The following TENM4 variants were observed in gnomAD, a reference collection of about 807,000 sequenced individuals.
The protein encoded by TENM4 is teneurin-4.
TENM4 carries 82 observed loss-of-function variants against 243.3 expected under a neutral mutation model. The ratio of observed to expected loss-of-function variants is 0.34; its 90% CI spans 0.28 to 0.40. The LOEUF is 0.40. Among genes scored for constraint, TENM4 ranks in the 10% least tolerant of loss-of-function variants. The probability of loss-of-function intolerance (pLI) is 1.00; values close to 1 mark genes in which losing one functional copy is unlikely to be tolerated. For synonymous variants in TENM4, 1,412 were observed against 1,456.3 expected, an observed-to-expected ratio of 0.97 and a Z score of 0.69; for missense variants, 3,138 against 3,673.3, an observed-to-expected ratio of 0.85 and a Z score of 3.77.
At chr11:78,851,318 A>C (rs1396059617) in intron 12 of TENM4, among the ~76,000 whole-genome samples, 1 of 152,200 alleles carries the variant, frequency 6.6e-6, no homozygotes, top group Non-Finnish European at 1.5e-5. Context: ...GAGGAAGTGA[A>C]GACAGGTGTC....
At chr11:79,179,708 T>C (rs994459890) in intron 3 of TENM4, among the ~76,000 whole-genome samples, 1 of 151,828 alleles carries the variant, frequency 6.6e-6, no homozygotes, top group Non-Finnish European at 1.5e-5. Context: ...TAAGGACAGA[T>C]GATAAAAAGT....
At chr11:78,961,755 T>C (rs1404417312) in intron 6 of TENM4, among the ~76,000 whole-genome samples, 1 of 151,666 alleles carries the variant, frequency 6.6e-6, no homozygotes, top group Non-Finnish European at 1.5e-5. Context: ...ACAGAGTAGG[T>C]AGTTGGTTGG....
intron 6 of TENM4, among the ~76,000 whole-genome samples, chr11:78,964,557 C>A (rs1857400767): frequency 6.6e-6 from 1 of 152,202 alleles, no homozygotes. Context: ...ATTCACCGTA[C>A]AATCTTTTAA....
intron 1 of TENM4, among the ~76,000 whole-genome samples, chr11:79,359,312 G>A (rs970458081): frequency 3.3e-5 from 5 of 152,060 alleles, no homozygotes; most frequent in African/African-American, 7.2e-5. Context: ...AACTCTACAG[G>A]ATAATATGAA....
At chr11:78,945,906 C>T (rs928131311) in intron 6 of TENM4, among the ~76,000 whole-genome samples, 2 of 152,110 alleles carry the variant, frequency 1.3e-5, no homozygotes, top group Non-Finnish European at 2.9e-5. Flanking sequence ...AGGAAGCTGT[C>T]TAAGAAAAGT....
intron 1 of TENM4, among the ~76,000 whole-genome samples, chr11:79,372,217 G>T (rs1217809362): frequency 1.3e-5 from 2 of 151,986 alleles, no homozygotes; most frequent in Non-Finnish European, 1.5e-5. Flanking sequence ...AGTCTCAAAG[G>T]GTCAATCCAA....
chr11:79,365,058 T>C (rs906286690), intron 1 of TENM4, among the ~76,000 whole-genome samples: 1 of 152,206 alleles, frequency 6.6e-6, no homozygotes, highest in Non-Finnish European at 1.5e-5. Flanking sequence ...CGAGGATAAA[T>C]ATGTGATTGC....
chr11:79,410,201 T>C (rs1858668845), intron 1 of TENM4, among the ~76,000 whole-genome samples: 1 of 152,184 alleles, frequency 6.6e-6, no homozygotes, highest in Admixed American at 6.5e-5. Context: ...ACTTCCTTAC[T>C]TTCTCAGCAG....
intron 4 of TENM4, among the ~76,000 whole-genome samples, chr11:79,120,737 T>C (rs1249845962): frequency 2.0e-5 from 3 of 152,218 alleles, no homozygotes; most frequent in Admixed American, 6.5e-5. Context: ...TCTAGGCAGA[T>C]AAAAGTGCAG....
chr11:78,764,561 G>A (rs530405863), intron 18 of TENM4, among the ~76,000 whole-genome samples: 1 of 152,372 alleles, frequency 6.6e-6, no homozygotes, highest in African/African-American at 2.4e-5. Context: ...AAATTAGACA[G>A]CTCCATCAGC....
At chr11:78,757,853 A>G (rs1856345334) in intron 18 of TENM4, among the ~76,000 whole-genome samples, 1 of 152,092 alleles carries the variant, frequency 6.6e-6, no homozygotes, top group South Asian at 2.1e-4. Flanking sequence ...AGTTTGCTGG[A>G]TGGTTTCAGA....
Position 78,688,215 on chromosome 11 carries a change from A to G in TENM4, c.5099T>C (p.Phe1700Ser), listed in dbSNP as rs1858733751. The G allele has an allele frequency of 6.2e-7, 1 of 1,613,146 alleles. No homozygotes were observed. The highest frequency in any genetic ancestry group is 1.3e-5 in the African/African-American group (1 of 74,902). The change falls in exon 29 of 34, where the codon TTT becomes TCT. Residue 1700 changes from phenylalanine (F) to serine (S), a missense_variant. Coordinates refer to ENST00000278550, the MANE Select transcript of TENM4 (RefSeq NM_001098816.3). ...GAAGGTCACATTTGTCAGGCGGCCA[A>G]AGCTGTCGTACCTGGAAACCAAGGG... The part of the protein sequence containing the change: ...GWTTFYEYDS[F>S]GRLTNVTFPT...
intron 4 of TENM4, among the ~76,000 whole-genome samples, chr11:79,120,125 T>C (rs1335775576): frequency 1.3e-5 from 2 of 152,156 alleles, no homozygotes; most frequent in East Asian, 1.9e-4. Flanking sequence ...GAAGAAGGCA[T>C]GGGAGTAGAA....
chr11:79,246,528 AC>A (rs1379244490), intron 2 of TENM4, among the ~76,000 whole-genome samples: 1 of 152,156 alleles, frequency 6.6e-6, no homozygotes, highest in Non-Finnish European at 1.5e-5. Context: ...AATAACCCAA[AC>A]CCCTCTTAAC....
intron 3 of TENM4, among the ~76,000 whole-genome samples, chr11:79,157,379 T>C (rs77120222): frequency 7.2e-4 from 109 of 152,270 alleles, no homozygotes; most frequent in African/African-American, 2.6e-3. Context: ...AATCTCTGAC[T>C]TCTTTTCCTT....
At chr11:78,734,002 A>G (rs549940994) in intron 20 of TENM4, among the ~76,000 whole-genome samples, 3 of 152,300 alleles carry the variant, frequency 2.0e-5, no homozygotes, top group East Asian at 1.9e-4. Context: ...CAGCCTGGTC[A>G]ACATGCTAAA....
At chr11:79,383,309 C>T (rs1858045010) in intron 1 of TENM4, among the ~76,000 whole-genome samples, 1 of 152,248 alleles carries the variant, frequency 6.6e-6, no homozygotes, top group African/African-American at 2.4e-5. Flanking sequence ...AGAAATACCA[C>T]TTTCTCTCCT....
chr11:79,343,075 C>A (rs148659500), intron 1 of TENM4, among the ~76,000 whole-genome samples: 1 of 152,230 alleles, frequency 6.6e-6, no homozygotes, highest in Admixed American at 6.5e-5. Flanking sequence ...GCAGCTCACC[C>A]TGAGCATCAG....
intron 6 of TENM4, among the ~76,000 whole-genome samples, chr11:78,993,410 C>T (rs1858093009): frequency 6.6e-6 from 1 of 152,072 alleles, no homozygotes; most frequent in African/African-American, 2.4e-5. Flanking sequence ...GATTTGTGGG[C>T]TTAATTTACA....
Sources: allele counts gnomAD v4.1 joint callset (sites outside exome capture counted in the v4.1 genomes callset), GRCh38; gene constraint gnomAD v4.1.1; transcripts MANE v1.5; gene names NCBI Gene and HGNC (gene_info 2026-07-23, HGNC 2026-07-21).